Variants in SLC41A1 observed in about 807,000 individuals in gnomAD.
The protein encoded by SLC41A1 is solute carrier family 41 member 1.
A neutral mutation model predicts 47.3 loss-of-function variants in SLC41A1; 20 were observed. The observed-to-expected ratio is 0.42, with a 90% CI of 0.30 to 0.61. The LOEUF (loss-of-function observed/expected upper bound fraction) is 0.61, where lower values mean the gene tolerates loss of function less well. Among genes scored for constraint, SLC41A1 ranks in the 20% least tolerant of loss-of-function variants. SLC41A1 has a pLI of 0.17. For missense variants in SLC41A1, 504 were observed against 674.1 expected (o/e 0.75, Z 2.79); for synonymous variants, 282 against 272.7 (o/e 1.03, Z -0.34).
chr1:205,796,104 GTC>G (rs1313427165), intron 8 of SLC41A1: 1 of 161,186 alleles, frequency 6.2e-6, no homozygotes, highest in African/African-American at 2.4e-5. Flanking sequence ...GCATTACCCA[GTC>G]TCCCTTGCTG....
Position 205,791,864 on chromosome 1 carries a change from CCTCT to C in SLC41A1, c.1357-150_1357-147del. ...AATCTTCCTCTTTCCACCCCAGCAACCTCTCTGTGTTTCTCCACCCCACAATTAC... is the reference window on the plus strand; with the variant it reads ...AATCTTCCTCTTTCCACCCCAGCAACCTGTGTTTCTCCACCCCACAATTAC... On this transcript the variant is annotated intron_variant, in intron 10 of 10. Coordinates refer to ENST00000367137, the MANE Select transcript of SLC41A1 (RefSeq NM_173854.6). The surrounding 1 kb of genome is among the most constrained non-coding windows in gnomAD (Gnocchi z 4.0). The C allele has an allele frequency of 2.9e-6, 3 of 1,031,414 alleles. No individual in the cohort carries two copies. The highest frequency in any genetic ancestry group is 4.4e-6 in the Non-Finnish European group (3 of 683,894). 63.9% of individuals were successfully genotyped at this position (1,031,414 alleles called of 1,614,324 possible). A position where few individuals can be genotyped will look rare whatever the true frequency, so the allele number is the denominator to read the frequency against.
intron 2 of SLC41A1, among the ~76,000 whole-genome samples, chr1:205,809,233 A>T (rs1055581693): frequency 6.6e-6 from 1 of 152,218 alleles, no homozygotes; most frequent in Non-Finnish European, 1.5e-5. Flanking sequence ...TTGGACCTGG[A>T]GGTTCTTCAT....
chr1:205,810,331 T>C lies in SLC41A1; in HGVS notation c.111A>G (p.Ser37=), dbSNP rs766168550. 92 of 1,613,840 alleles carry C rather than the reference T, an allele frequency of 5.7e-5. No homozygotes were observed. Among genetic ancestry groups the C allele is most frequent in the Non-Finnish European group, 7.5e-5 (89 of 1,179,986 alleles). Residue 37 remains serine (S), a synonymous_variant, in exon 2 of 11, where the codon TCA becomes TCG. Transcript: ENST00000367137. This position sits in a 1 kb window ranked among gnomAD's most constrained non-coding sequence, Gnocchi z 5.5. ...CAGCCCCATCAGGCCCCAGGAACTC[T>C]GAGGTCCCAGCCAAGGGCTCTCTCC... The part of the protein sequence containing the change: ...GPGREPLAGT[S]EFLGPDGAGV...
chr1:205,792,780 C>T (rs1273068574), intron 10 of SLC41A1, among the ~76,000 whole-genome samples: 1 of 152,170 alleles, frequency 6.6e-6, no homozygotes, highest in African/African-American at 2.4e-5. Context: ...TACAGTCAGT[C>T]ATCTGGGAGG....
At chr1:205,809,357 C>T (rs1210546703) in intron 2 of SLC41A1, among the ~76,000 whole-genome samples, 2 of 152,204 alleles carry the variant, frequency 1.3e-5, no homozygotes, top group Non-Finnish European at 2.9e-5. Flanking sequence ...CCTCTTTGCC[C>T]AGGGCAGGTT....
Position 205,810,342 on chromosome 1 carries a change from C to T in SLC41A1, c.100G>A (p.Ala34Thr). ...SSDGPGREPL[A>T]GTSEFLGPDG... is the part of the protein sequence containing the mutation. ...GGCCCCAGGAACTCTGAGGTCCCAGCCAAGGGCTCTCTCCCTGGGCCATCT... is the reference window on the plus strand; with the variant it reads ...GGCCCCAGGAACTCTGAGGTCCCAGTCAAGGGCTCTCTCCCTGGGCCATCT... Residue 34 changes from alanine to threonine, a missense_variant, in exon 2 of 11, where the codon GCT (alanine) becomes ACT (threonine). Physicochemically the swap from Ala to Thr is moderately conservative, Grantham distance 58 (BLOSUM62 0). Transcript: ENST00000367137. This position sits in a 1 kb window ranked among gnomAD's most constrained non-coding sequence, Gnocchi z 5.5. 1 of 1,614,158 alleles carries T rather than the reference C, an allele frequency of 6.2e-7. No homozygotes were observed. The highest frequency in any genetic ancestry group is 8.5e-7 in the Non-Finnish European group (1 of 1,180,032).
intron 2 of SLC41A1, among the ~76,000 whole-genome samples, chr1:205,802,075 C>A (rs1173936508): frequency 6.6e-6 from 1 of 152,204 alleles, no homozygotes; most frequent in Non-Finnish European, 1.5e-5. Flanking sequence ...CTCCCTGGCC[C>A]TAACAGGGTA....
At chr1:205,796,511 T>C in intron 8 of SLC41A1, 1 of 250,836 alleles carries the variant, frequency 4.0e-6, no homozygotes, top group Non-Finnish European at 7.9e-6. Flanking sequence ...CTTCTGTTTC[T>C]CCATTTGGAT....
intron 2 of SLC41A1, 134 bp downstream of exon 2, chr1:205,809,936 T>C (rs959950499): frequency 3.5e-5 from 47 of 1,358,602 alleles, no homozygotes; most frequent in Non-Finnish European, 4.5e-5. Flanking sequence ...ACCGAGGACA[T>C]GATCCAAAGG....
At chr1:205,802,143 G>A (rs1460551982) in intron 2 of SLC41A1, among the ~76,000 whole-genome samples, 1 of 152,170 alleles carries the variant, frequency 6.6e-6, no homozygotes, top group African/African-American at 2.4e-5. Flanking sequence ...AGAGGGAGGA[G>A]GAGGCAGGAG....
intron 7 of SLC41A1, 87 bp downstream of exon 7, chr1:205,797,816 AC>A (rs1286911326): frequency 3.3e-6 from 5 of 1,538,306 alleles, no homozygotes; most frequent in Admixed American, 3.3e-5. Context: ...CTAGGGTCTG[AC>A]CCCCACCCCA....
At position 205,790,299 on chromosome 1, in the gene SLC41A1, C is replaced by T. The variant is rs893707789; in HGVS notation, c.*1234G>A. The T allele has an allele frequency of 6.6e-6, 1 of 152,232 alleles. No homozygotes were observed. The highest frequency in any genetic ancestry group is 6.5e-5 in the Admixed American group (1 of 15,282). The allele number at this position is 152,232 out of a possible 1,614,324, so 9.4% of individuals were successfully genotyped here. On this transcript the variant is annotated 3_prime_UTR_variant, in exon 11 of 11. Transcript: ENST00000367137. ...TGAGGTTAGAGCTGTGTTTCCCTTA[C>T]CACTGGCTTATCAGTGCCTGGCACA...
Position 205,805,016 on chromosome 1 carries a change from C to A in SLC41A1, c.373-3956G>T, listed in dbSNP as rs897261565. ...CCATAAGCACCCCAAATCTCTCTAC[C>A]TCCCAGCACAATGCACCCTCTCCTT... On this transcript the variant is annotated intron_variant, in intron 2 of 10. Coordinates refer to ENST00000367137, the MANE Select transcript of SLC41A1 (RefSeq NM_173854.6). 2.0e-5 allele frequency among the ~76,000 whole-genome samples: 3 copies of A among 152,174 alleles called. No homozygotes were observed. In the South Asian group the frequency reaches 6.2e-4, roughly 32 times the overall value.
At chr1:205,801,119 T>A (rs1230869595) in intron 2 of SLC41A1, 59 bp from the exon 3 acceptor site, 13 of 1,387,390 alleles carry the variant, frequency 9.4e-6, no homozygotes, top group Non-Finnish European at 1.3e-5. Context: ...GCATTGAGGT[T>A]CAACAGGTAG....
Position 205,791,676 on chromosome 1 carries a change from T to A in SLC41A1, c.1399A>T (p.Met467Leu), listed in dbSNP as rs1655631254. The A allele has an allele frequency of 6.2e-7, 1 of 1,613,716 alleles. No individual in the cohort carries two copies. Among genetic ancestry groups the A allele is most frequent in the Non-Finnish European group, 8.5e-7 (1 of 1,179,958 alleles). The part of the protein sequence containing the change: ...LYIADWMVHW[M>L]WGRGLDPDNF... Reference sequence around the variant, plus strand: ...TCCGGGTCCAGGCCCCGGCCCCACATCCAGTGCACCATCCAGTCTGCGATG... The same window carrying A: ...TCCGGGTCCAGGCCCCGGCCCCACAACCAGTGCACCATCCAGTCTGCGATG... Residue 467 changes from methionine to leucine, a missense_variant, in exon 11 of 11, where the codon ATG becomes TTG. Met to Leu is a conservative substitution (Grantham distance 15). This residue lies in a region of SLC41A1 where 421 missense variants were observed against 601.6 expected (regional missense o/e 0.70). Transcript: ENST00000367137. The surrounding 1 kb of genome is among the most constrained non-coding windows in gnomAD (Gnocchi z 4.0).
At chr1:205,805,265 C>A (rs1036874262) in intron 2 of SLC41A1, among the ~76,000 whole-genome samples, 1 of 152,214 alleles carries the variant, frequency 6.6e-6, no homozygotes, top group Non-Finnish European at 1.5e-5. Flanking sequence ...ACTTTCTTCA[C>A]CCACAAACCC....
In SLC41A1 at chr1:205,795,512, G is replaced by A. The variant is rs823156; in HGVS notation, c.1073-34C>T. 1,282,864 of 1,612,772 alleles carry A rather than the reference G, an allele frequency of 0.8. 517,217 individuals are homozygous for A. The highest frequency in any genetic ancestry group is 0.82 in the Non-Finnish European group (972,755 of 1,179,234). ...ACACATACGGGCTTAGACACAGACA[G>A]AGGTCAGAGGGAGGAGTGGGAACAA... On this transcript the variant is annotated intron_variant, in intron 8 of 10. Transcript: ENST00000367137.
In SLC41A1 at chr1:205,810,010, T is replaced by A; in HGVS notation, c.372+60A>T. 6.2e-7 allele frequency: 1 copy of A among 1,611,088 alleles called. No individual in the cohort carries two copies. Among genetic ancestry groups the A allele is most frequent in the Non-Finnish European group, 8.5e-7 (1 of 1,178,828 alleles). ...GGAGGTAGAGAGGAAGTTCCAAGTTTCCCAGCAGGCAAAGGTGGCCCTGGG... is the reference window on the plus strand; with the variant it reads ...GGAGGTAGAGAGGAAGTTCCAAGTTACCCAGCAGGCAAAGGTGGCCCTGGG... On this transcript the variant is annotated intron_variant, in intron 2 of 10. Coordinates refer to ENST00000367137, the MANE Select transcript of SLC41A1 (RefSeq NM_173854.6). This position sits in a 1 kb window ranked among gnomAD's most constrained non-coding sequence, Gnocchi z 5.5.
At chr1:205,793,655 T>C (rs891490144) in intron 10 of SLC41A1, among the ~76,000 whole-genome samples, 1 of 152,210 alleles carries the variant, frequency 6.6e-6, no homozygotes, top group Non-Finnish European at 1.5e-5. Context: ...CAGAATATGA[T>C]GGAGCTGTAA....
Sources: gnomAD v4.1 joint callset for allele counts (sites outside exome capture counted in the v4.1 genomes callset) on GRCh38, gnomAD v4.1.1 for gene constraint, gnomAD v4.1.1 regional missense constraint, Gnocchi (gnomAD v3.1) non-coding constraint, MANE v1.5 for transcripts, NCBI Gene and HGNC (gene_info 2026-07-23, HGNC 2026-07-21) for gene names.